The following FRMD3 variants were observed in gnomAD, a reference collection of about 807,000 sequenced individuals.
The protein encoded by FRMD3 is FERM domain-containing protein 3.
Under a neutral mutation model 70.2 loss-of-function variants are expected in FRMD3, and 33 were observed. The ratio of observed to expected loss-of-function variants is 0.47; its 90% CI spans 0.36 to 0.63. The LOEUF is 0.63. Among genes scored for constraint, FRMD3 ranks in the 20% least tolerant of loss-of-function variants. The pLI, the probability that FRMD3 is intolerant of heterozygous loss-of-function variation, is 0.00. For synonymous variants in FRMD3, 279 were observed against 255.9 expected, an observed-to-expected ratio of 1.09 and a Z score of -0.86; for missense variants, 632 against 711.4, an observed-to-expected ratio of 0.89 and a Z score of 1.27.
intron 13 of FRMD3, among the ~76,000 whole-genome samples, chr9:83,256,765 G>A (rs1251567885): frequency 2.0e-5 from 3 of 151,750 alleles, no homozygotes; most frequent in Admixed American, 6.6e-5. Flanking sequence ...GAAAAAAAAA[G>A]CTCAACATCC....
At chr9:83,263,728 A>G (rs1036770883) in intron 13 of FRMD3, among the ~76,000 whole-genome samples, 8 of 152,366 alleles carry the variant, frequency 5.3e-5, no homozygotes, top group African/African-American at 7.2e-5. Flanking sequence ...GTTGGAATGC[A>G]AGATCAACAT....
intron 1 of FRMD3, among the ~76,000 whole-genome samples, chr9:83,479,800 A>G (rs1042237617): frequency 2.2e-5 from 3 of 133,810 alleles, no homozygotes; most frequent in African/African-American, 8.8e-5. Context: ...GGAAGGAAGG[A>G]AGGAAGGAAG....
Position 83,248,097 on chromosome 9 carries a change from G to T in FRMD3, c.1615C>A (p.Leu539Met). Residue 539 changes from leucine to methionine, a missense_variant, in exon 14 of 14, where the codon CTG (leucine) becomes ATG (methionine). This residue lies in a region of FRMD3 where 418 missense variants were observed against 442.1 expected (regional missense o/e 0.95). Coordinates refer to ENST00000304195, the MANE Select transcript of FRMD3 (RefSeq NM_174938.6). ...AGGAGCAGGGGAAATACAAAGAGCA[G>T]CAGTCCCAGGCCCACCACAAGGAGC... ...SRLLVVGLGL[L>M]LFVFPLLLLL... The T allele has an allele frequency of 6.2e-7, 1 of 1,614,152 alleles. No individual in the cohort carries two copies. Among genetic ancestry groups the T allele is most frequent in the Non-Finnish European group, 8.5e-7 (1 of 1,180,032 alleles).
At chr9:83,264,548 C>T (rs1463466047) in intron 13 of FRMD3, among the ~76,000 whole-genome samples, 1 of 152,036 alleles carries the variant, frequency 6.6e-6, no homozygotes, top group Admixed American at 6.5e-5. Context: ...GGAGGCTGAG[C>T]ATGTGTGAGG....
In FRMD3 at chr9:83,519,171, A is replaced by G. The variant is rs138566020; in HGVS notation, c.147+18914T>C. ...TCTAGTTAAACTAAAGCGCTTCTGC[A>G]TAGCAAAAGAAACTATCATCAGAGT... On this transcript the variant is annotated intron_variant, in intron 1 of 13. Transcript: ENST00000304195. Among the ~76,000 whole-genome samples, 674 of 152,374 alleles carry G rather than the reference A, an allele frequency of 4.4e-3. 7 individuals are homozygous for G. Among genetic ancestry groups the G allele is most frequent in the African/African-American group, 0.014 (600 of 41,590 alleles).
At chr9:83,390,490 A>G (rs528883283) in intron 1 of FRMD3, among the ~76,000 whole-genome samples, 2 of 152,352 alleles carry the variant, frequency 1.3e-5, no homozygotes, top group East Asian at 3.9e-4. Context: ...AGGGGAGCCC[A>G]GGACTAAGAT....
At chr9:83,328,071 A>C (rs558343644) in intron 6 of FRMD3, among the ~76,000 whole-genome samples, 33 of 152,312 alleles carry the variant, frequency 2.2e-4, no homozygotes, top group African/African-American at 7.7e-4. Context: ...CAACTTAGAA[A>C]GATATTAGTG....
At chr9:83,486,928 G>A (rs886117793) in intron 1 of FRMD3, among the ~76,000 whole-genome samples, 1 of 152,116 alleles carries the variant, frequency 6.6e-6, no homozygotes, top group Non-Finnish European at 1.5e-5. Context: ...TTAAACTCCT[G>A]CATTAACAGT....
At chr9:83,344,203 T>G (rs1823872449) in intron 4 of FRMD3, among the ~76,000 whole-genome samples, 1 of 152,254 alleles carries the variant, frequency 6.6e-6, no homozygotes, top group Non-Finnish European at 1.5e-5. Flanking sequence ...TGGGATCTGT[T>G]GTTTCTGAGC....
chr9:83,573,738 TTC>T, the FRMD3 span, among the ~76,000 whole-genome samples: 31,048 of 145,656 alleles, frequency 0.21, 4,105 homozygotes, highest in African/African-American at 0.4. Flanking sequence ...AAAAGAACGA[TTC>T]TCTCTCTCTC....
intron 2 of FRMD3, among the ~76,000 whole-genome samples, chr9:83,374,363 A>G (rs1825076723): frequency 6.6e-6 from 1 of 151,554 alleles, no homozygotes; most frequent in African/African-American, 2.4e-5. Flanking sequence ...TAAGAGTTTC[A>G]ACATTATGGA....
At chr9:83,485,857 A>G (rs900498616) in intron 1 of FRMD3, among the ~76,000 whole-genome samples, 4 of 152,210 alleles carry the variant, frequency 2.6e-5, no homozygotes, top group African/African-American at 7.2e-5. Context: ...GGTGAACCTA[A>G]CAAAGAGAAT....
At chr9:83,567,737 C>T in the FRMD3 span, among the ~76,000 whole-genome samples, 2 of 152,302 alleles carry the variant, frequency 1.3e-5, no homozygotes, top group East Asian at 3.9e-4. Flanking sequence ...GTCACTTTTG[C>T]TCCAATTCCC....
chr9:83,342,558 A>G (rs1015979706), intron 5 of FRMD3, among the ~76,000 whole-genome samples: 1 of 152,192 alleles, frequency 6.6e-6, no homozygotes, highest in African/African-American at 2.4e-5. Context: ...GTGGTGTGAC[A>G]GTTTATGAGA....
intron 1 of FRMD3, among the ~76,000 whole-genome samples, chr9:83,439,085 A>G (rs1279008404): frequency 1.3e-5 from 2 of 152,190 alleles, no homozygotes; most frequent in East Asian, 3.8e-4. Context: ...TGAGTCCCAG[A>G]GTCTTGACAC....
intron 1 of FRMD3, among the ~76,000 whole-genome samples, chr9:83,458,468 T>C (rs1005803750): frequency 2.0e-5 from 3 of 152,160 alleles, no homozygotes; most frequent in Admixed American, 6.5e-5. Flanking sequence ...CCGATGAGGA[T>C]TAAAATCAGT....
chr9:83,430,491 GAA>G (rs1301608239), intron 1 of FRMD3, among the ~76,000 whole-genome samples: 1 of 152,190 alleles, frequency 6.6e-6, no homozygotes, highest in Non-Finnish European at 1.5e-5. Flanking sequence ...GCTCAGAGTA[GAA>G]AAGAGTAATT....
At position 83,522,393 on chromosome 9, in the gene FRMD3, T is replaced by TG. The variant is rs555471784; in HGVS notation, c.147+15691dup. Among the ~76,000 whole-genome samples the TG allele has an allele frequency of 1.7e-4, 26 of 151,962 alleles. No individual in the cohort carries two copies. The South Asian group carries it at 2.5e-3, about 15-fold the overall frequency. ...GGGGCGTAGAGAAGCCTTCAGCGGC[T>TG]GGGGGGGCAGGGAGCTGTGCCTGTC... On this transcript the variant is annotated intron_variant, in intron 1 of 13. Coordinates refer to ENST00000304195, the MANE Select transcript of FRMD3 (RefSeq NM_174938.6).
chr9:83,247,583 G>A lies in FRMD3; in HGVS notation c.*335C>T, dbSNP rs1832169159. ...GATTCTGAACCTTATAGCTTATAAT[G>A]GTGCCAACTATTAGAAATGGGAAAA... is the stretch of plus-strand genomic sequence containing the variant. On this transcript the variant is annotated 3_prime_UTR_variant, in exon 14 of 14. Transcript: ENST00000304195. The A allele has an allele frequency of 1.3e-5, 13 of 1,026,988 alleles. No homozygotes were observed. The highest frequency in any genetic ancestry group is 1.5e-5 in the Non-Finnish European group (13 of 854,784). 63.6% of individuals were successfully genotyped at this position (1,026,988 alleles called of 1,614,324 possible).
Sources: gnomAD v4.1 joint callset for allele counts (sites outside exome capture counted in the v4.1 genomes callset) on GRCh38, gnomAD v4.1.1 for gene constraint, gnomAD v4.1.1 regional missense constraint, MANE v1.5 for transcripts, NCBI Gene and HGNC (gene_info 2026-07-23, HGNC 2026-07-21) for gene names.